Variants in SLIT3 observed in about 807,000 individuals in gnomAD.
The protein encoded by SLIT3 is slit homolog 3 protein.
A neutral mutation model predicts 184.0 loss-of-function variants in SLIT3; 68 were observed. That is an observed-to-expected ratio of 0.37 (90% CI 0.30 to 0.45). SLIT3 has a LOEUF of 0.45. SLIT3 is among the 20% of genes least tolerant of loss of function. The pLI, the probability that SLIT3 is intolerant of heterozygous loss-of-function variation, is 1.00. For missense variants in SLIT3, 1,707 were observed against 2,026.0 expected (o/e 0.84, Z 3.02); for synonymous variants, 831 against 828.6 (o/e 1.00, Z -0.05).
intron 3 of SLIT3, among the ~76,000 whole-genome samples, chr5:169,233,923 C>A (rs1034642284): frequency 6.6e-6 from 1 of 152,196 alleles, no homozygotes; most frequent in African/African-American, 2.4e-5. Flanking sequence ...GAAACGTTTT[C>A]AATATTTCAC....
rs147410089 is a variant in SLIT3 at position 169,163,465 on chromosome 5, G to C, written c.413+30014C>G. ...TAAGATACATGAGTACCTTAATCCC[G>C]ACACAGGCTTTCTGAGCCAGGCTCT... is the stretch of plus-strand genomic sequence containing the variant. On this transcript the variant is annotated intron_variant, in intron 4 of 35. Coordinates refer to ENST00000519560, the MANE Select transcript of SLIT3 (RefSeq NM_003062.4). 4.5e-3 allele frequency among the ~76,000 whole-genome samples: 680 copies of C among 152,260 alleles called. 10 individuals carry two copies. The highest frequency in any genetic ancestry group is 0.017 in the East Asian group (90 of 5,182).
intron 5 of SLIT3, among the ~76,000 whole-genome samples, chr5:168,856,560 A>G (rs936960482): frequency 1.3e-5 from 2 of 152,138 alleles, no homozygotes; most frequent in Non-Finnish European, 1.5e-5. Context: ...AGGGGGGAAA[A>G]TGTCAGTTTA....
chr5:169,196,776 T>C (rs1241825513), intron 3 of SLIT3, among the ~76,000 whole-genome samples: 1 of 152,164 alleles, frequency 6.6e-6, no homozygotes, highest in East Asian at 1.9e-4. Context: ...TTAATTTTTC[T>C]GTTTCTTTTC....
At chr5:168,808,186 G>A (rs1195839092) in intron 8 of SLIT3, among the ~76,000 whole-genome samples, 1 of 151,224 alleles carries the variant, frequency 6.6e-6, no homozygotes, top group Non-Finnish European at 1.5e-5. Context: ...GAAAGATGAT[G>A]ACTTACACTG....
At chr5:168,718,617 C>T (rs1762825957) in intron 23 of SLIT3, among the ~76,000 whole-genome samples, 1 of 151,096 alleles carries the variant, frequency 6.6e-6, no homozygotes, top group South Asian at 2.1e-4. Context: ...ATGTTTTGTA[C>T]TCAGGGCTAA....
intron 4 of SLIT3, among the ~76,000 whole-genome samples, chr5:169,004,322 G>A (rs1376933663): frequency 6.6e-6 from 1 of 152,228 alleles, no homozygotes; most frequent in Non-Finnish European, 1.5e-5. Flanking sequence ...GGAACTGGCT[G>A]CCTGGACATC....
intron 5 of SLIT3, among the ~76,000 whole-genome samples, chr5:168,859,158 G>A (rs751463816): frequency 4.6e-5 from 7 of 152,152 alleles, no homozygotes; most frequent in African/African-American, 7.2e-5. Flanking sequence ...TCAGCACTGC[G>A]GCAGAAGCAG....
intron 4 of SLIT3, among the ~76,000 whole-genome samples, chr5:169,118,781 A>G (rs1359909709): frequency 2.0e-5 from 3 of 152,214 alleles, no homozygotes; most frequent in African/African-American, 7.2e-5. Context: ...AGAGTAGGGA[A>G]CACTCTAGCC....
intron 9 of SLIT3, among the ~76,000 whole-genome samples, chr5:168,796,676 T>C (rs4867939): frequency 0.54 from 82,423 of 152,006 alleles, 22,564 homozygotes; most frequent in Middle Eastern, 0.72. Context: ...CATTTCTGGC[T>C]GGGATGAACC....
chr5:169,204,801 T>C (rs1764014826), intron 3 of SLIT3, among the ~76,000 whole-genome samples: 3 of 151,970 alleles, frequency 2.0e-5, no homozygotes, highest in South Asian at 2.1e-4. Flanking sequence ...GGAGGTATGA[T>C]GACTGAGAAG....
At chr5:169,263,677 C>T (rs1766288786) in intron 1 of SLIT3, 1 of 513,294 alleles carries the variant, frequency 1.9e-6, no homozygotes, top group South Asian at 1.4e-5. Flanking sequence ...CTAGGGCTGC[C>T]ATAGCACAGA....
chr5:169,272,352 A>T (rs1198170378), intron 1 of SLIT3, among the ~76,000 whole-genome samples: 1 of 152,264 alleles, frequency 6.6e-6, no homozygotes, highest in East Asian at 1.9e-4. Flanking sequence ...TCCCTAGTTC[A>T]TCAAGGTCCC....
At chr5:169,130,674 T>C (rs1761262377) in intron 4 of SLIT3, among the ~76,000 whole-genome samples, 1 of 152,204 alleles carries the variant, frequency 6.6e-6, no homozygotes, top group Admixed American at 6.5e-5. Context: ...GTTCAATATG[T>C]CATCCACTTC....
intron 4 of SLIT3, among the ~76,000 whole-genome samples, chr5:169,016,143 G>A (rs1756367577): frequency 6.6e-6 from 1 of 152,170 alleles, no homozygotes; most frequent in Admixed American, 6.5e-5. Context: ...AAAGTTTTGA[G>A]TAGCTATTTT....
chr5:169,188,803 T>C (rs762678994), intron 4 of SLIT3, among the ~76,000 whole-genome samples: 1 of 152,206 alleles, frequency 6.6e-6, no homozygotes, highest in African/African-American at 2.4e-5. Flanking sequence ...AGTTCTACCA[T>C]TGTCTATGTT....
intron 35 of SLIT3, among the ~76,000 whole-genome samples, chr5:168,669,547 G>A (rs558809629): frequency 2.6e-5 from 4 of 152,292 alleles, no homozygotes; most frequent in Non-Finnish European, 5.9e-5. Flanking sequence ...AATGTTTTTT[G>A]TGGTTTTGAA....
intron 4 of SLIT3, among the ~76,000 whole-genome samples, chr5:169,031,797 C>G (rs953501577): frequency 2.6e-5 from 4 of 152,080 alleles, no homozygotes; most frequent in African/African-American, 9.7e-5. Context: ...ATGATGACTT[C>G]GGCTATTGTC....
chr5:169,194,000 G>A (rs1286072094), intron 3 of SLIT3, among the ~76,000 whole-genome samples: 1 of 152,130 alleles, frequency 6.6e-6, no homozygotes, highest in African/African-American at 2.4e-5. Flanking sequence ...TTGAGAGGCT[G>A]AGGCAGGCAG....
intron 1 of SLIT3, among the ~76,000 whole-genome samples, chr5:169,278,019 G>A (rs1408106464): frequency 6.6e-6 from 1 of 152,198 alleles, no homozygotes; most frequent in African/African-American, 2.4e-5. Context: ...ACCACTGCAC[G>A]AGGTGCACAT....
Sources: gnomAD v4.1 joint callset for allele counts (sites outside exome capture counted in the v4.1 genomes callset) on GRCh38, gnomAD v4.1.1 for gene constraint, MANE v1.5 for transcripts, NCBI Gene and HGNC (gene_info 2026-07-23, HGNC 2026-07-21) for gene names.